DGKI: variants seen among roughly 807,000 people sequenced by gnomAD.
The protein encoded by DGKI is diacylglycerol kinase iota, also known as DAG kinase iota.
A neutral mutation model predicts 147.5 loss-of-function variants in DGKI; 55 were observed. The observed-to-expected ratio is 0.37, with a 90% CI of 0.30 to 0.47. DGKI has a LOEUF of 0.47. Among genes scored for constraint, DGKI ranks in the 20% least tolerant of loss-of-function variants. The probability of loss-of-function intolerance (pLI) is 1.00; values close to 1 mark genes in which losing one functional copy is unlikely to be tolerated. For synonymous variants in DGKI, 469 were observed against 477.1 expected (o/e 0.98, Z 0.22); for missense variants, 1,007 against 1,323.8 (o/e 0.76, Z 3.71).
intron 19 of DGKI, among the ~76,000 whole-genome samples, chr7:137,563,208 A>AT (rs1173129518): frequency 1.3e-5 from 2 of 152,012 alleles, no homozygotes; most frequent in Non-Finnish European, 2.9e-5. Flanking sequence ...TACACCACTC[A>AT]TTTGTGATCA....
chr7:137,399,002 A>ATTTTTT lies in DGKI; in HGVS notation c.2921-1595_2921-1590dup, dbSNP rs10523881. Among the ~76,000 whole-genome samples the ATTTTTT allele has an allele frequency of 8.1e-3, 1,185 of 145,484 alleles. 11 individuals carry two copies. Among genetic ancestry groups the ATTTTTT allele is most frequent in the East Asian group, 0.044 (212 of 4,820 alleles). On this transcript the variant is annotated intron_variant, in intron 30 of 32. Coordinates refer to ENST00000614521, the MANE Select transcript of DGKI (RefSeq NM_001321708.2). ...TTCCTCAATTTGTTCCCAGGGTTCCATTTTTTTTTTTTTCACAAAAGCTAA... is the reference window on the plus strand; with the variant it reads ...TTCCTCAATTTGTTCCCAGGGTTCCATTTTTTTTTTTTTTTTTTTCACAAAAGCTAA...
chr7:137,612,221 C>CTTTTTT (rs551204704), intron 8 of DGKI, among the ~76,000 whole-genome samples: 4 of 113,954 alleles, frequency 3.5e-5, no homozygotes, highest in African/African-American at 7.0e-5. Context: ...ACAAAACGGG[C>CTTTTTT]TTTTTTTTTT....
intron 28 of DGKI, among the ~76,000 whole-genome samples, chr7:137,442,431 T>C (rs530559628): frequency 1.6e-4 from 25 of 152,302 alleles, no homozygotes; most frequent in African/African-American, 5.8e-4. Context: ...GAGGAATAAA[T>C]TCTCATAGAC....
chr7:137,668,778 A>C (rs548788968), intron 3 of DGKI, among the ~76,000 whole-genome samples: 79 of 152,322 alleles, frequency 5.2e-4, no homozygotes, highest in African/African-American at 1.9e-3. Flanking sequence ...CAGCTAGGCT[A>C]GTTGTTTCAC....
At chr7:137,403,094 G>A (rs531478272) in intron 30 of DGKI, among the ~76,000 whole-genome samples, 9 of 152,048 alleles carry the variant, frequency 5.9e-5, no homozygotes, top group East Asian at 2.0e-4. Context: ...GGGAGGGAGC[G>A]GGCAGAAAAT....
intron 10 of DGKI, among the ~76,000 whole-genome samples, chr7:137,601,401 T>C (rs1439656119): frequency 6.6e-6 from 1 of 152,268 alleles, no homozygotes. Flanking sequence ...GAGCCGAGTT[T>C]GTTGCTCATA....
chr7:137,427,172 T>C (rs1213434179), intron 28 of DGKI, among the ~76,000 whole-genome samples: 3 of 152,076 alleles, frequency 2.0e-5, no homozygotes, highest in Admixed American at 6.5e-5. Context: ...TCAGCAAATG[T>C]AAAAGAACAG....
At chr7:137,750,218 G>A (rs1363828770) in intron 1 of DGKI, among the ~76,000 whole-genome samples, 1 of 152,212 alleles carries the variant, frequency 6.6e-6, no homozygotes, top group Non-Finnish European at 1.5e-5. Flanking sequence ...GGACTCGGCT[G>A]CAGAGAAATG....
chr7:137,473,337 T>C (rs1815051814), intron 23 of DGKI, among the ~76,000 whole-genome samples: 1 of 152,162 alleles, frequency 6.6e-6, no homozygotes, highest in African/African-American at 2.4e-5. Context: ...TGGGTCGCCA[T>C]AAAGCTCTTT....
intron 3 of DGKI, among the ~76,000 whole-genome samples, chr7:137,659,409 A>G (rs1360440838): frequency 1.3e-5 from 2 of 152,212 alleles, no homozygotes; most frequent in African/African-American, 4.8e-5. Flanking sequence ...TATTTGAAGT[A>G]GTTGGATAAT....
intron 27 of DGKI, among the ~76,000 whole-genome samples, chr7:137,461,247 G>T (rs35448275): frequency 0.047 from 7,224 of 152,250 alleles, 204 homozygotes; most frequent in Middle Eastern, 0.11. Flanking sequence ...AACTACACTT[G>T]CCATTTGAAG....
intron 21 of DGKI, among the ~76,000 whole-genome samples, chr7:137,513,460 T>C (rs1750464722): frequency 6.6e-6 from 1 of 152,244 alleles, no homozygotes; most frequent in Non-Finnish European, 1.5e-5. Context: ...TTCTACTATA[T>C]TCTTTTATAG....
In DGKI at chr7:137,434,173, T is replaced by C. The variant is rs535196680; in HGVS notation, c.2761+9904A>G. Among the ~76,000 whole-genome samples, 608 of 152,090 alleles carry C rather than the reference T, an allele frequency of 4.0e-3. 4 individuals carry two copies. Among genetic ancestry groups the C allele is most frequent in the Non-Finnish European group, 5.3e-3 (358 of 67,976 alleles). On this transcript the variant is annotated intron_variant, in intron 28 of 32. Transcript: ENST00000614521. ...TGGACACCAGCTCTCTTCCTTTTTC[T>C]AACTCCTTTTTTCCCGTTACTTTTT... is the stretch of plus-strand genomic sequence containing the variant.
In DGKI at chr7:137,433,620, TAAAC is replaced by T. The variant is rs759874328; in HGVS notation, c.2761+10453_2761+10456del. 7.9e-5 allele frequency among the ~76,000 whole-genome samples: 12 copies of T among 152,230 alleles called. No individual in the cohort carries two copies. In the South Asian group the frequency reaches 1.2e-3, roughly 16 times the overall value. ...ATATAATTTCATACAGTAGAAATCA[TAAAC>T]AAAGTAAACTTTTAACAATAGGCAC... On this transcript the variant is annotated intron_variant, in intron 28 of 32. Transcript: ENST00000614521.
intron 13 of DGKI, among the ~76,000 whole-genome samples, chr7:137,586,681 G>A (rs1819412642): frequency 6.7e-6 from 1 of 150,132 alleles, no homozygotes; most frequent in Admixed American, 6.6e-5. Context: ...AAAATAAAAT[G>A]CTAAAAAAAA....
At chr7:137,527,576 C>A (rs1192519325) in intron 20 of DGKI, among the ~76,000 whole-genome samples, 1 of 152,114 alleles carries the variant, frequency 6.6e-6, no homozygotes, top group East Asian at 1.9e-4. Context: ...AATCATTCTA[C>A]ATTTTGTACC....
chr7:137,649,121 C>T (rs921381007), intron 5 of DGKI, among the ~76,000 whole-genome samples: 3 of 152,132 alleles, frequency 2.0e-5, no homozygotes, highest in Non-Finnish European at 2.9e-5. Flanking sequence ...ACAAAGCAAA[C>T]ATCCAATATA....
At chr7:137,818,881 T>C (rs1167726449) in intron 1 of DGKI, among the ~76,000 whole-genome samples, 2 of 152,246 alleles carry the variant, frequency 1.3e-5, no homozygotes, top group Non-Finnish European at 2.9e-5. Flanking sequence ...TGTATGTTGA[T>C]AGTTCCTAAG....
intron 23 of DGKI, among the ~76,000 whole-genome samples, chr7:137,479,924 T>C (rs1431796843): frequency 1.3e-5 from 2 of 152,186 alleles, no homozygotes; most frequent in African/African-American, 4.8e-5. Flanking sequence ...GGTTTGCTAC[T>C]ATTTATTTTA....
Sources: allele counts gnomAD v4.1 joint callset (sites outside exome capture counted in the v4.1 genomes callset), GRCh38; gene constraint gnomAD v4.1.1; transcripts MANE v1.5; gene names NCBI Gene and HGNC (gene_info 2026-07-23, HGNC 2026-07-21).